The following RAB27A variants were observed in gnomAD, a reference collection of about 807,000 sequenced individuals.
RAB27A encodes RAB27A, member RAS oncogene family, also known as ras-related protein Rab-27A.
RAB27A carries 17 observed loss-of-function variants against 20.8 expected under a neutral mutation model. The observed-to-expected ratio is 0.82, with a 90% confidence interval of 0.56 to 1.23. The LOEUF (loss-of-function observed/expected upper bound fraction) is 1.23. RAB27A is among the 50% of genes most tolerant of loss of function. The probability of loss-of-function intolerance (pLI) is 0.00; values close to 1 mark genes in which losing one functional copy is unlikely to be tolerated. For missense variants in RAB27A, 277 were observed against 266.7 expected (o/e 1.04, Z -0.27); for synonymous variants, 85 against 92.8 (o/e 0.92, Z 0.48).
intron 6 of RAB27A, among the ~76,000 whole-genome samples, chr15:55,217,467 C>T (rs971647952): frequency 6.6e-6 from 1 of 151,564 alleles, no homozygotes; most frequent in Non-Finnish European, 1.5e-5. Context: ...CAGGATCAAC[C>T]TGGCCAACAT....
chr15:55,230,315 C>A, intron 4 of RAB27A, 86 bp downstream of exon 4: 1 of 1,336,014 alleles, frequency 7.5e-7, no homozygotes, highest in African/African-American at 1.4e-5. Context: ...AATTGGCTGG[C>A]TTTTTCCTGC....
intron 2 of RAB27A, among the ~76,000 whole-genome samples, chr15:55,250,691 G>T (rs1177413420): frequency 2.0e-5 from 3 of 152,174 alleles, no homozygotes; most frequent in Non-Finnish European, 2.9e-5. Flanking sequence ...GAAGTTTGTT[G>T]TCTGACTTCT....
At chr15:55,309,969 G>A (rs942212225) in intron 2 of RAB27A, among the ~76,000 whole-genome samples, 7 of 152,012 alleles carry the variant, frequency 4.6e-5, no homozygotes, top group South Asian at 2.1e-4. Flanking sequence ...AGTTTAACTC[G>A]AACAGGACGG....
intron 2 of RAB27A, among the ~76,000 whole-genome samples, chr15:55,250,256 G>A (rs1272765223): frequency 2.0e-5 from 3 of 151,904 alleles, no homozygotes; most frequent in Non-Finnish European, 2.9e-5. Context: ...GAGCCACTGC[G>A]CCTGGACTCC....
At chr15:55,211,958 C>CTTTT (rs539618132) in intron 6 of RAB27A, among the ~76,000 whole-genome samples, 6 of 124,366 alleles carry the variant, frequency 4.8e-5, no homozygotes, top group Admixed American at 2.4e-4. Context: ...GGACTATAAC[C>CTTTT]TTTTTTTTTT....
rs112600723 is a variant in RAB27A, at chr15:55,221,463, C to G, written c.467+2426G>C. On this transcript the variant is annotated intron_variant, in intron 6 of 6. Coordinates refer to ENST00000336787, the MANE Select transcript of RAB27A (RefSeq NM_183235.3). ...TCTTTTCCACTACGTTACATGAGTG[C>G]CTCTCAGGGGAGCAGGGGGACATTT... 1.9e-3 allele frequency among the ~76,000 whole-genome samples: 296 copies of G among 152,254 alleles called. 3 individuals carry two copies. The highest frequency in any genetic ancestry group is 6.9e-3 in the African/African-American group (288 of 41,524).
Position 55,234,808 on chromosome 15 carries a change from C to G in RAB27A, c.127G>C (p.Gly43Arg). 1 of 1,611,674 alleles carries G rather than the reference C, an allele frequency of 6.2e-7. No individual in the cohort carries two copies. The highest frequency in any genetic ancestry group is 8.5e-7 in the Non-Finnish European group (1 of 1,178,114). The change falls in exon 3 of 7, where the codon GGC becomes CGC. Residue 43 changes from glycine to arginine, a missense_variant. Gly to Arg is a moderately radical substitution (Grantham distance 125). Coordinates refer to ENST00000336787, the MANE Select transcript of RAB27A (RefSeq NM_183235.3). ...ACTCTTTTTTCCCTGAAATCAATGC[C>G]CACTGTTGTGATAAATTTGGAGTTA... ...KFNSKFITTV[G>R]IDFREKRVVY...
At chr15:55,297,757 G>A (rs567146124) in intron 2 of RAB27A, among the ~76,000 whole-genome samples, 2 of 152,206 alleles carry the variant, frequency 1.3e-5, no homozygotes, top group East Asian at 3.9e-4. Context: ...TAGTAGTAAT[G>A]GATTGTAACC....
At chr15:55,256,976 G>T (rs371169154) in intron 2 of RAB27A, among the ~76,000 whole-genome samples, 2 of 152,272 alleles carry the variant, frequency 1.3e-5, no homozygotes, top group African/African-American at 4.8e-5. Flanking sequence ...GAGGGCAGCC[G>T]CATGGGAATG....
chr15:55,249,597 A>C (rs1279337172), intron 2 of RAB27A, among the ~76,000 whole-genome samples: 1 of 152,078 alleles, frequency 6.6e-6, no homozygotes, highest in Non-Finnish European at 1.5e-5. Context: ...AAGTTTTATA[A>C]ATGTTCCACG....
intron 1 of RAB27A, among the ~76,000 whole-genome samples, chr15:55,278,628 G>A (rs988605810): frequency 1.3e-5 from 2 of 151,894 alleles, no homozygotes; most frequent in African/African-American, 4.8e-5. Flanking sequence ...GACTATAGGC[G>A]CCCGCCACCA....
At chr15:55,207,678 T>A (rs1894718406) in intron 6 of RAB27A, among the ~76,000 whole-genome samples, 1 of 152,076 alleles carries the variant, frequency 6.6e-6, no homozygotes, top group African/African-American at 2.4e-5. Context: ...TTTGTTTTTG[T>A]TTTTGTTTTG....
intron 2 of RAB27A, among the ~76,000 whole-genome samples, chr15:55,306,396 G>A (rs1345226359): frequency 2.0e-5 from 3 of 152,190 alleles, no homozygotes; most frequent in Non-Finnish European, 2.9e-5. Flanking sequence ...CTTACCAGGC[G>A]AGTATGGGTA....
chr15:55,209,274 A>G (rs1894803572), intron 6 of RAB27A, among the ~76,000 whole-genome samples: 1 of 151,872 alleles, frequency 6.6e-6, no homozygotes, highest in African/African-American at 2.4e-5. Flanking sequence ...CTATTAATCA[A>G]TCTCTCTTCA....
chr15:55,261,786 T>C (rs1014609118), intron 2 of RAB27A, among the ~76,000 whole-genome samples: 8 of 143,946 alleles, frequency 5.6e-5, no homozygotes, highest in Non-Finnish European at 9.1e-5. Flanking sequence ...ATGCCTGTAA[T>C]CCCAGCACTT....
chr15:55,311,731 G>A (rs746264867), intron 2 of RAB27A, among the ~76,000 whole-genome samples: 20 of 152,200 alleles, frequency 1.3e-4, no homozygotes, highest in Admixed American at 2.6e-4. Context: ...TCGTGGCCAG[G>A]TGGTACTGCA....
At chr15:55,208,237 A>C (rs1193935490) in intron 6 of RAB27A, among the ~76,000 whole-genome samples, 1 of 152,240 alleles carries the variant, frequency 6.6e-6, no homozygotes, top group Non-Finnish European at 1.5e-5. Context: ...TGTATGATAC[A>C]AGATCATTTG....
intron 5 of RAB27A, among the ~76,000 whole-genome samples, chr15:55,225,350 T>C (rs577451512): frequency 6.6e-6 from 1 of 152,292 alleles, no homozygotes; most frequent in Admixed American, 6.5e-5. Flanking sequence ...AATTTCCCCA[T>C]CTGTAAATGG....
chr15:55,239,737 T>C (rs1003905260), intron 2 of RAB27A, among the ~76,000 whole-genome samples: 3 of 152,180 alleles, frequency 2.0e-5, no homozygotes, highest in Non-Finnish European at 2.9e-5. Context: ...TGTTCAAAAC[T>C]GATCACGCTG....
Sources: allele counts gnomAD v4.1 joint callset (sites outside exome capture counted in the v4.1 genomes callset), GRCh38; gene constraint gnomAD v4.1.1; transcripts MANE v1.5; gene names NCBI Gene and HGNC (gene_info 2026-07-23, HGNC 2026-07-21).